MACROD2: variants seen among roughly 807,000 people sequenced by gnomAD.
The protein encoded by MACROD2 is mono-ADP ribosylhydrolase 2.
Under a neutral mutation model 70.4 loss-of-function variants are expected in MACROD2, and 36 were observed. The ratio of observed to expected loss-of-function variants is 0.51; its 90% CI spans 0.39 to 0.68. The LOEUF (loss-of-function observed/expected upper bound fraction) is 0.68, where lower values mean the gene tolerates loss of function less well. MACROD2 is among the 30% of genes least tolerant of loss of function. MACROD2 has a pLI of 0.00. For missense variants in MACROD2, 496 were observed against 538.4 expected, an observed-to-expected ratio of 0.92 and a Z score of 0.78; for synonymous variants, 172 against 178.8, an observed-to-expected ratio of 0.96 and a Z score of 0.30.
intron 5 of MACROD2, among the ~76,000 whole-genome samples, chr20:14,915,029 C>T (rs993682998): frequency 1.3e-5 from 2 of 152,154 alleles, no homozygotes; most frequent in Non-Finnish European, 2.9e-5. Flanking sequence ...GACAATAAGG[C>T]ACACATGGTT....
chr20:15,318,140 A>G (rs1297359281), intron 6 of MACROD2, among the ~76,000 whole-genome samples: 1 of 152,140 alleles, frequency 6.6e-6, no homozygotes, highest in Non-Finnish European at 1.5e-5. Context: ...AAAATCAGAA[A>G]TGAAAGTGGT....
intron 13 of MACROD2, among the ~76,000 whole-genome samples, chr20:15,982,710 G>C (rs2066419110): frequency 6.6e-6 from 1 of 152,126 alleles, no homozygotes; most frequent in Non-Finnish European, 1.5e-5. Context: ...AAACTTCAAT[G>C]GTTATGTAGG....
intron 7 of MACROD2, among the ~76,000 whole-genome samples, chr20:15,451,426 A>AT (rs910568905): frequency 3.3e-5 from 5 of 149,334 alleles, no homozygotes; most frequent in Non-Finnish European, 7.4e-5. Context: ...ATAAAAAAAA[A>AT]AAAAAAAAAA....
intron 5 of MACROD2, among the ~76,000 whole-genome samples, chr20:14,759,410 A>G (rs1286241403): frequency 1.3e-5 from 2 of 152,114 alleles, no homozygotes; most frequent in African/African-American, 2.4e-5. Flanking sequence ...CCATGCCATC[A>G]TTTGCATAAC....
At chr20:14,236,993 T>C (rs1034539575) in intron 3 of MACROD2, among the ~76,000 whole-genome samples, 5 of 152,182 alleles carry the variant, frequency 3.3e-5, no homozygotes, top group African/African-American at 1.2e-4. Flanking sequence ...TGAAAATTTC[T>C]TTATTTTATC....
At position 14,678,144 on chromosome 20, in the gene MACROD2, C is replaced by T. The variant is rs541452547; in HGVS notation, c.302-6699C>T. 2.1e-3 allele frequency among the ~76,000 whole-genome samples: 316 copies of T among 152,300 alleles called. 2 individuals are homozygous for T. Among genetic ancestry groups the T allele is most frequent in the African/African-American group, 7.1e-3 (295 of 41,570 alleles). On this transcript the variant is annotated intron_variant, in intron 4 of 17. Transcript: ENST00000684519. ...ACTTTTTGTCTGGTTGCTGCACCATCTCCTGGGTCATTGGTGTCCTGCCTG... is the reference window on the plus strand; with the variant it reads ...ACTTTTTGTCTGGTTGCTGCACCATTTCCTGGGTCATTGGTGTCCTGCCTG...
intron 9 of MACROD2, among the ~76,000 whole-genome samples, chr20:15,883,908 A>T (rs2064789460): frequency 6.6e-6 from 1 of 152,128 alleles, no homozygotes; most frequent in Admixed American, 6.6e-5. Context: ...TGAAAGAGAG[A>T]TAAAATAACA....
chr20:14,376,530 T>C (rs749650233), intron 3 of MACROD2, among the ~76,000 whole-genome samples: 11 of 152,038 alleles, frequency 7.2e-5, no homozygotes, highest in Non-Finnish European at 1.3e-4. Context: ...GGAGGATCAT[T>C]GCGCCCTGGA....
rs957243062 is a variant in MACROD2 at position 14,857,684 on chromosome 20, G to A, written c.418+172725G>A. Among the ~76,000 whole-genome samples the A allele has an allele frequency of 9.2e-5, 14 of 152,238 alleles. 1 individual carries two copies. Among genetic ancestry groups the A allele is most frequent in the Admixed American group, 7.8e-4 (12 of 15,304 alleles). ...GCAAGATTTGATTTAAACAGAAGGAGCCATTAGACAATTAAATACTAATTT... is the reference window on the plus strand; with the variant it reads ...GCAAGATTTGATTTAAACAGAAGGAACCATTAGACAATTAAATACTAATTT... On this transcript the variant is annotated intron_variant, in intron 5 of 17. Coordinates refer to ENST00000684519, the MANE Select transcript of MACROD2 (RefSeq NM_001351661.2).
intron 4 of MACROD2, among the ~76,000 whole-genome samples, chr20:14,503,082 C>T (rs1038455558): frequency 3.9e-5 from 6 of 152,134 alleles, no homozygotes; most frequent in Non-Finnish European, 8.8e-5. Context: ...TGAAAAGAAG[C>T]CAGAAGCAGT....
chr20:15,553,375 C>T (rs2048123612), intron 8 of MACROD2, among the ~76,000 whole-genome samples: 1 of 152,150 alleles, frequency 6.6e-6, no homozygotes, highest in Non-Finnish European at 1.5e-5. Flanking sequence ...ACTGTGTTCA[C>T]CCCTGTTTCT....
At chr20:14,686,662 T>C (rs1401273960) in intron 5 of MACROD2, among the ~76,000 whole-genome samples, 1 of 152,170 alleles carries the variant, frequency 6.6e-6, no homozygotes, top group East Asian at 1.9e-4. Flanking sequence ...CTATAGCCTA[T>C]AGTCTAGGTG....
rs2876379 is a variant in MACROD2, at chr20:14,541,783, G to A, written c.301+48275G>A. ...GTTTTTATGTTTATCTGTTATAATA[G>A]CATATGGTATATCTGGTATATCTAA... On this transcript the variant is annotated intron_variant, in intron 4 of 17. Transcript: ENST00000684519. Among the ~76,000 whole-genome samples, 1,409 of 152,208 alleles carry A rather than the reference G, an allele frequency of 9.3e-3. 25 individuals are homozygous for A. The highest frequency in any genetic ancestry group is 0.032 in the African/African-American group (1,320 of 41,528).
intron 6 of MACROD2, among the ~76,000 whole-genome samples, chr20:15,259,823 T>C (rs1310485170): frequency 1.3e-5 from 2 of 151,818 alleles, no homozygotes; most frequent in Admixed American, 6.6e-5. Flanking sequence ...TGAAATGAAA[T>C]CTGGGAGCAA....
At chr20:14,708,689 C>T (rs1232579390) in intron 5 of MACROD2, among the ~76,000 whole-genome samples, 2 of 152,174 alleles carry the variant, frequency 1.3e-5, no homozygotes, top group African/African-American at 4.8e-5. Flanking sequence ...ACGATCTCTG[C>T]TCAATGCAAC....
intron 8 of MACROD2, among the ~76,000 whole-genome samples, chr20:15,816,060 C>T (rs1568576573): frequency 6.6e-6 from 1 of 151,194 alleles, no homozygotes; most frequent in Non-Finnish European, 1.5e-5. Context: ...CTCTTTCTGT[C>T]TCTGTCTCTC....
chr20:15,261,442 G>C (rs2077248649), intron 6 of MACROD2, among the ~76,000 whole-genome samples: 1 of 151,830 alleles, frequency 6.6e-6, no homozygotes, highest in African/African-American at 2.4e-5. Flanking sequence ...TTAATAAGCA[G>C]GTTAAGTCTA....
At chr20:15,349,688 G>A (rs959735705) in intron 6 of MACROD2, among the ~76,000 whole-genome samples, 17 of 151,210 alleles carry the variant, frequency 1.1e-4, no homozygotes, top group African/African-American at 3.2e-4. Flanking sequence ...CCTGGGAGGC[G>A]GAGGTTGCAG....
intron 4 of MACROD2, among the ~76,000 whole-genome samples, chr20:14,610,110 T>G (rs531704529): frequency 8.5e-5 from 13 of 152,270 alleles, no homozygotes; most frequent in African/African-American, 3.1e-4. Flanking sequence ...AAAATCTGAT[T>G]TGGCAAACAA....
Sources: allele counts gnomAD v4.1 joint callset (sites outside exome capture counted in the v4.1 genomes callset), GRCh38; gene constraint gnomAD v4.1.1; transcripts MANE v1.5; gene names NCBI Gene and HGNC (gene_info 2026-07-23, HGNC 2026-07-21).